The following ENTREP1 variants were observed in gnomAD, a reference collection of about 807,000 sequenced individuals.
ENTREP1 encodes endosomal transmembrane epsin interactor 1, also known as Friedreich ataxia region gene X123.
chr9:69,350,079 C>T, the ENTREP1 span, among the ~76,000 whole-genome samples: 1 of 152,124 alleles, frequency 6.6e-6, no homozygotes, highest in Admixed American at 6.6e-5. Flanking sequence ...CAAAAGTTTA[C>T]AATTTTGAAG....
the ENTREP1 span, chr9:69,375,629 A>G: frequency 9.9e-6 from 9 of 905,036 alleles, no homozygotes; most frequent in African/African-American, 1.2e-4. Context: ...ATTGCCTGAC[A>G]CAGAACCCTG....
chr9:69,360,486 T>C, the ENTREP1 span, among the ~76,000 whole-genome samples: 1 of 152,214 alleles, frequency 6.6e-6, no homozygotes, highest in Non-Finnish European at 1.5e-5. Context: ...ATATTTTATT[T>C]TTCTTCAAGT....
chr9:69,352,819 C>CCCCAA, the ENTREP1 span, among the ~76,000 whole-genome samples: 1 of 152,130 alleles, frequency 6.6e-6, no homozygotes, highest in African/African-American at 2.4e-5. Context: ...AGAAACAAGC[C>CCCCAA]TATGACCCCC....
chr9:69,372,441 T>A, the ENTREP1 span, among the ~76,000 whole-genome samples: 2 of 152,242 alleles, frequency 1.3e-5, no homozygotes, highest in African/African-American at 4.8e-5. Context: ...ATATGCTGTT[T>A]GTCTTTTTGT....
the ENTREP1 span, chr9:69,385,785 TTTA>T: frequency 0.05 from 49,897 of 996,696 alleles, 16 homozygotes; most frequent in Non-Finnish European, 0.052. Context: ...TTTTTTTTTT[TTTA>T]AATCAGATGG....
the ENTREP1 span, among the ~76,000 whole-genome samples, chr9:69,350,840 G>C: frequency 6.6e-6 from 1 of 152,082 alleles, no homozygotes; most frequent in Non-Finnish European, 1.5e-5. Context: ...TCTGATTCTT[G>C]TTCCTTTCTA....
chr9:69,345,556 A>AT, the ENTREP1 span, among the ~76,000 whole-genome samples: 3 of 152,166 alleles, frequency 2.0e-5, no homozygotes, highest in Non-Finnish European at 4.4e-5. Flanking sequence ...GAGGGAAAAT[A>AT]TTTTTTATTA....
At chr9:69,378,294 A>G in the ENTREP1 span, among the ~76,000 whole-genome samples, 1 of 152,144 alleles carries the variant, frequency 6.6e-6, no homozygotes, top group South Asian at 2.1e-4. Flanking sequence ...AAAGAGATTA[A>G]TTATTAATTG....
the ENTREP1 span, chr9:69,371,492 A>G: frequency 3.8e-6 from 6 of 1,595,500 alleles, no homozygotes; most frequent in South Asian, 6.6e-5. Flanking sequence ...TTCTCTTGCC[A>G]TTTCAGGTAA....
At chr9:69,383,474 C>A in the ENTREP1 span, 1 of 1,495,158 alleles carries the variant, frequency 6.7e-7, no homozygotes, top group Non-Finnish European at 8.9e-7. Context: ...CGGAGAGCAG[C>A]TTCTATTATT....
At chr9:69,376,836 GTTTAGTGGAGAGAAGTC>G in the ENTREP1 span, among the ~76,000 whole-genome samples, 1 of 152,206 alleles carries the variant, frequency 6.6e-6, no homozygotes, top group Non-Finnish European at 1.5e-5. Flanking sequence ...TGAGATGTGT[GTTTAGTGGAGAGAAGTC>G]CTATTTACAC....
chr9:69,343,426 T>C, the ENTREP1 span, among the ~76,000 whole-genome samples: 1 of 152,212 alleles, frequency 6.6e-6, no homozygotes, highest in East Asian at 1.9e-4. Context: ...TTACAGGGTT[T>C]TAGAGCCCCT....
the ENTREP1 span, among the ~76,000 whole-genome samples, chr9:69,364,393 T>TC: frequency 6.6e-6 from 1 of 151,878 alleles, no homozygotes; most frequent in Admixed American, 6.6e-5. Context: ...GCAATGATTT[T>TC]TTTTTTTTTA....
At chr9:69,327,429 A>G in the ENTREP1 span, among the ~76,000 whole-genome samples, 1 of 152,182 alleles carries the variant, frequency 6.6e-6, no homozygotes, top group African/African-American at 2.4e-5. Context: ...GATCTTGCAT[A>G]TATTTTTAGG....
chr9:69,352,898 G>A, the ENTREP1 span, among the ~76,000 whole-genome samples: 1 of 152,174 alleles, frequency 6.6e-6, no homozygotes, highest in South Asian at 2.1e-4. Flanking sequence ...TACTTTGTAA[G>A]GCCAAGATGG....
At chr9:69,329,721 T>C in the ENTREP1 span, 1 of 985,318 alleles carries the variant, frequency 1.0e-6, no homozygotes, top group South Asian at 4.7e-5. Flanking sequence ...AGGGAGGATC[T>C]CAGTGTCTGT....
the ENTREP1 span, among the ~76,000 whole-genome samples, chr9:69,351,388 TTGATGATGATGA>T: frequency 3.3e-5 from 5 of 151,342 alleles, no homozygotes; most frequent in Non-Finnish European, 5.9e-5. Context: ...TCTTATTTCC[TTGATGATGATGA>T]TGATGATGAT....
At chr9:69,369,985 C>T in the ENTREP1 span, among the ~76,000 whole-genome samples, 1 of 152,254 alleles carries the variant, frequency 6.6e-6, no homozygotes, top group East Asian at 1.9e-4. Flanking sequence ...AAAATATTTT[C>T]TACCAGTCTG....
At chr9:69,334,775 C>CT in the ENTREP1 span, among the ~76,000 whole-genome samples, 6,821 of 130,526 alleles carry the variant, frequency 0.052, 197 homozygotes, top group Middle Eastern at 0.079. Context: ...CTTTCCTTTT[C>CT]TTTTTTTTTT....
Sources: gnomAD v4.1 joint callset for allele counts (sites outside exome capture counted in the v4.1 genomes callset) on GRCh38, gnomAD v4.1.1 for gene constraint, MANE v1.5 for transcripts, NCBI Gene and HGNC (gene_info 2026-07-23, HGNC 2026-07-21) for gene names.